PKIB: variants seen among roughly 807,000 people sequenced by gnomAD.
PKIB encodes the protein PKI-beta.
Under a neutral mutation model 4.5 loss-of-function variants are expected in PKIB, and 2 were observed. The ratio of observed to expected loss-of-function variants is 0.44; its 90% CI spans 0.18 to 1.39. The LOEUF (loss-of-function observed/expected upper bound fraction) is 1.39, where lower values mean the gene tolerates loss of function less well. Among genes scored for constraint, PKIB ranks in the 40% most tolerant of loss-of-function variants. The pLI, the probability that PKIB is intolerant of heterozygous loss-of-function variation, is 0.27. For missense variants in PKIB, 94 were observed against 92.6 expected (o/e 1.02, Z -0.06); for synonymous variants, 38 against 36.0 (o/e 1.06, Z -0.20).
At chr6:122,652,288 TGGTTTGTGTGTGTG>T (rs1393661849) in intron 2 of PKIB, among the ~76,000 whole-genome samples, 2 of 74,760 alleles carry the variant, frequency 2.7e-5, no homozygotes, top group Non-Finnish European at 5.1e-5. Flanking sequence ...GCATATATGT[TGGTTTGTGTGTGTG>T]TGTGTGTGTG....
At chr6:122,603,080 A>T (rs1051776346) in intron 3 of PKIB, among the ~76,000 whole-genome samples, 1 of 152,176 alleles carries the variant, frequency 6.6e-6, no homozygotes, top group African/African-American at 2.4e-5. Flanking sequence ...TCTTTTTTAA[A>T]AGACTCCATC....
chr6:122,474,089 T>TTGCAGTGA (rs1775387656), intron 1 of PKIB, among the ~76,000 whole-genome samples: 1 of 152,174 alleles, frequency 6.6e-6, no homozygotes, highest in South Asian at 2.1e-4. Context: ...GCTGGGATCG[T>TTGCAGTGA]GCCACTGCAC....
chr6:122,723,291 C>T (rs1188173136), intron 4 of PKIB, among the ~76,000 whole-genome samples: 1 of 152,124 alleles, frequency 6.6e-6, no homozygotes. Context: ...TACTAATTGC[C>T]TAATTGGCGT....
At chr6:122,598,900 GT>G (rs1384218718) in intron 3 of PKIB, among the ~76,000 whole-genome samples, 11 of 152,030 alleles carry the variant, frequency 7.2e-5, no homozygotes, top group Non-Finnish European at 1.6e-4. Flanking sequence ...CCAATTCTAT[GT>G]TCCTTCCACC....
chr6:122,632,017 G>A (rs368268790), intron 1 of PKIB, among the ~76,000 whole-genome samples: 2 of 152,160 alleles, frequency 1.3e-5, no homozygotes, highest in South Asian at 2.1e-4. Flanking sequence ...GGATGGATTC[G>A]AAGGGGAATG....
chr6:122,540,266 T>A (rs1322059965), intron 2 of PKIB, among the ~76,000 whole-genome samples: 1 of 152,048 alleles, frequency 6.6e-6, no homozygotes, highest in East Asian at 1.9e-4. Context: ...CTTTTAATTG[T>A]GATGTTAGGG....
At chr6:122,612,879 T>C (rs576120199) in intron 1 of PKIB, among the ~76,000 whole-genome samples, 1 of 152,272 alleles carries the variant, frequency 6.6e-6, no homozygotes, top group Non-Finnish European at 1.5e-5. Flanking sequence ...GTAATTTTTG[T>C]AGAAGTTATA....
At chr6:122,704,698 G>A (rs993630755) in intron 3 of PKIB, among the ~76,000 whole-genome samples, 1 of 151,380 alleles carries the variant, frequency 6.6e-6, no homozygotes, top group Non-Finnish European at 1.5e-5. Flanking sequence ...CATGTTAATG[G>A]CAGCTTGCTT....
At chr6:122,701,480 C>A in intron 3 of PKIB, 2 of 1,595,202 alleles carry the variant, frequency 1.3e-6, no homozygotes, top group East Asian at 2.3e-5. Context: ...CAGGCTGAAC[C>A]TGACAGCATG....
intron 2 of PKIB, among the ~76,000 whole-genome samples, chr6:122,648,004 G>A (rs556768135): frequency 2.6e-5 from 4 of 152,254 alleles, no homozygotes; most frequent in African/African-American, 9.6e-5. Context: ...GGGATCTCCT[G>A]TGTTTCAGAC....
At position 122,717,948 on chromosome 6, in the gene PKIB, C is replaced by G. The variant is rs141912516; in HGVS notation, c.154C>G (p.Leu52Val). The part of the protein sequence containing the change: ...TSDLPLKLEA[L>V]SVKEDAKEKD... ...AGATTTGCCCCTCAAACTGGAGGCTCTCTCCGTGAAGGAAGGTAATACTCA... is the reference window on the plus strand; with the variant it reads ...AGATTTGCCCCTCAAACTGGAGGCTGTCTCCGTGAAGGAAGGTAATACTCA... Residue 52 changes from leucine to valine, a missense_variant, in exon 4 of 5, where the codon CTC (leucine) becomes GTC (valine). Transcript: ENST00000368452. The G allele has an allele frequency of 2.1e-4, 332 of 1,613,430 alleles. No individual in the cohort carries two copies. Among genetic ancestry groups the G allele is most frequent in the Non-Finnish European group, 2.6e-4 (308 of 1,179,496 alleles).
chr6:122,707,775 T>C (rs1779120951), intron 3 of PKIB, among the ~76,000 whole-genome samples: 1 of 152,154 alleles, frequency 6.6e-6, no homozygotes, highest in South Asian at 2.1e-4. Flanking sequence ...AACTAAATGG[T>C]GTGTAAAATA....
intron 2 of PKIB, among the ~76,000 whole-genome samples, chr6:122,511,502 C>T (rs961159911): frequency 1.2e-4 from 18 of 152,260 alleles, no homozygotes; most frequent in African/African-American, 4.1e-4. Flanking sequence ...CACACTTGAG[C>T]GTTTCTTCAC....
At chr6:122,519,289 G>T (rs1468444573) in intron 2 of PKIB, among the ~76,000 whole-genome samples, 2 of 152,170 alleles carry the variant, frequency 1.3e-5, no homozygotes, top group Non-Finnish European at 2.9e-5. Context: ...ATCACCCCCA[G>T]ATGAGACTGT....
At chr6:122,526,028 G>A (rs759597727) in intron 2 of PKIB, among the ~76,000 whole-genome samples, 5 of 152,064 alleles carry the variant, frequency 3.3e-5, no homozygotes, top group Non-Finnish European at 7.4e-5. Flanking sequence ...AATGTTCATA[G>A]CATCTGCACC....
intron 2 of PKIB, among the ~76,000 whole-genome samples, chr6:122,513,078 C>T (rs114470910): frequency 0.012 from 1,800 of 152,238 alleles, 40 homozygotes; most frequent in African/African-American, 0.042. Context: ...CTTATTCCCT[C>T]GATTTACTCT....
intron 3 of PKIB, chr6:122,717,477 T>G: frequency 2.6e-6 from 1 of 388,576 alleles, no homozygotes; most frequent in Non-Finnish European, 4.6e-6. Flanking sequence ...AAGCCCTAGT[T>G]TGGCTGATCC....
chr6:122,656,764 T>C (rs572655977), intron 2 of PKIB, among the ~76,000 whole-genome samples: 2 of 152,326 alleles, frequency 1.3e-5, no homozygotes, highest in South Asian at 2.1e-4. Flanking sequence ...AACTGGCTTA[T>C]GGATAAAAGC....
intron 1 of PKIB, among the ~76,000 whole-genome samples, chr6:122,475,077 A>G (rs962007633): frequency 1.3e-5 from 2 of 152,130 alleles, no homozygotes; most frequent in Non-Finnish European, 2.9e-5. Context: ...TCTATTGCCC[A>G]GGCTGGAGTT....
Sources: allele counts gnomAD v4.1 joint callset (sites outside exome capture counted in the v4.1 genomes callset), GRCh38; gene constraint gnomAD v4.1.1; transcripts MANE v1.5; gene names NCBI Gene and HGNC (gene_info 2026-07-23, HGNC 2026-07-21).